GAPVD1: variants seen among roughly 807,000 people sequenced by gnomAD.
GAPVD1 encodes GTPase-activating protein and VPS9 domain-containing protein 1.
GAPVD1 carries 35 observed loss-of-function variants against 155.5 expected under a neutral mutation model. The ratio of observed to expected loss-of-function variants is 0.23; its 90% CI spans 0.17 to 0.30. The LOEUF is 0.30. Ranked by LOEUF, GAPVD1 falls within the 10% of genes least tolerant of loss-of-function variation. The pLI is 1.00. For missense variants in GAPVD1, 1,429 were observed against 1,775.7 expected (o/e 0.80, Z 3.51); for synonymous variants, 636 against 619.7 (o/e 1.03, Z -0.39).
chr9:125,341,413 C>T (rs1486532188), intron 18 of GAPVD1, 149 bp downstream of exon 18: 1 of 572,280 alleles, frequency 1.7e-6, no homozygotes, highest in Non-Finnish European at 3.1e-6. Flanking sequence ...TGGTTCCACT[C>T]AGATGAATGC....
chr9:125,279,320 C>T (rs1052024178), intron 2 of GAPVD1, among the ~76,000 whole-genome samples: 8 of 151,616 alleles, frequency 5.3e-5, no homozygotes, highest in Non-Finnish European at 1.0e-4. Context: ...CCTGTAATCG[C>T]AGCACCTTGG....
In GAPVD1 at chr9:125,331,907, C is replaced by G. The variant is rs568165240; in HGVS notation, c.2174-19C>G. The G allele has an allele frequency of 2.5e-6, 4 of 1,612,764 alleles. No homozygotes were observed. The highest frequency in any genetic ancestry group is 1.1e-5 in the South Asian group (1 of 91,028). ...CTAAGAGAATCACAAATGTAACATACCTCTTATCTTCTATTTAGAGGCCCC... is the reference window on the plus strand; with the variant it reads ...CTAAGAGAATCACAAATGTAACATAGCTCTTATCTTCTATTTAGAGGCCCC... On this transcript the variant is annotated intron_variant, in intron 13 of 27. Transcript: ENST00000297933.
intron 13 of GAPVD1, 68 bp from the exon 14 acceptor site, chr9:125,331,858 C>G (rs912652364): frequency 2.9e-5 from 43 of 1,483,132 alleles, no homozygotes; most frequent in Non-Finnish European, 3.7e-5. Flanking sequence ...TTATCTGGGT[C>G]ACAAAAGCTG....
At chr9:125,305,266 G>T in intron 6 of GAPVD1, 117 bp downstream of exon 6, 1 of 636,978 alleles carries the variant, frequency 1.6e-6, no homozygotes. Flanking sequence ...ATTAGCTACA[G>T]TATTGGATCA....
At chr9:125,318,532 C>T (rs1431044464) in intron 9 of GAPVD1, among the ~76,000 whole-genome samples, 4 of 152,144 alleles carry the variant, frequency 2.6e-5, no homozygotes, top group Non-Finnish European at 2.9e-5. Flanking sequence ...TGTTAATTCA[C>T]GTGAATCTCC....
chr9:125,351,333 C>T (rs188810002), intron 23 of GAPVD1, among the ~76,000 whole-genome samples: 137 of 152,316 alleles, frequency 9.0e-4, no homozygotes, highest in South Asian at 1.7e-3. Flanking sequence ...GGTGGGGACA[C>T]AGCCAAACCA....
intron 23 of GAPVD1, among the ~76,000 whole-genome samples, chr9:125,352,714 T>C (rs1342729851): frequency 5.3e-5 from 8 of 152,362 alleles, no homozygotes; most frequent in Admixed American, 5.2e-4. Context: ...TGCAAATTTC[T>C]ATAGCCAGCG....
At chr9:125,299,971 A>G (rs1367221316) in intron 4 of GAPVD1, among the ~76,000 whole-genome samples, 1 of 133,404 alleles carries the variant, frequency 7.5e-6, no homozygotes, top group East Asian at 2.4e-4. Flanking sequence ...GTGAGCCAAA[A>G]TCGCACCACT....
intron 2 of GAPVD1, among the ~76,000 whole-genome samples, chr9:125,283,028 T>TTATA (rs1554753036): frequency 7.0e-6 from 1 of 143,324 alleles, no homozygotes; most frequent in African/African-American, 2.6e-5. Context: ...TTATTTTTAT[T>TTATA]TTTATTTATT....
rs1839712373 is a variant in GAPVD1, at chr9:125,295,556, C to G, written c.-51C>G. The G allele has an allele frequency of 6.6e-6, 1 of 151,710 alleles. No individual in the cohort carries two copies. The highest frequency in any genetic ancestry group is 1.5e-5 in the Non-Finnish European group (1 of 67,976). 9.4% of individuals were successfully genotyped at this position (151,710 alleles called of 1,614,324 possible). On this transcript the variant is annotated 5_prime_UTR_variant, in exon 3 of 28. Transcript: ENST00000297933. ...CAAGCGATCCTCCCATCTGACCCTCCCAAGTAGCTGGCATTCAGGTATGCG... is the reference window on the plus strand; with the variant it reads ...CAAGCGATCCTCCCATCTGACCCTCGCAAGTAGCTGGCATTCAGGTATGCG...
At chr9:125,295,835 CTCTT>C (rs1185980238) in intron 3 of GAPVD1, among the ~76,000 whole-genome samples, 2 of 152,116 alleles carry the variant, frequency 1.3e-5, no homozygotes, top group African/African-American at 4.8e-5. Context: ...ATTTTATGTT[CTCTT>C]TCTATCTTGA....
chr9:125,280,013 T>G (rs577917725), intron 2 of GAPVD1, among the ~76,000 whole-genome samples: 31 of 151,184 alleles, frequency 2.1e-4, no homozygotes, highest in Non-Finnish European at 3.7e-4. Flanking sequence ...CCACTCAACC[T>G]CGGCCTCCCA....
intron 8 of GAPVD1, chr9:125,309,323 TTTTG>T (rs1004503342): frequency 6.6e-5 from 10 of 152,048 alleles, no homozygotes; most frequent in African/African-American, 1.9e-4. Flanking sequence ...TGGTGTTTTT[TTTTG>T]TTTGTTTGTT....
chr9:125,292,323 G>T (rs1309506232), intron 2 of GAPVD1, among the ~76,000 whole-genome samples: 1 of 152,040 alleles, frequency 6.6e-6, no homozygotes, highest in Non-Finnish European at 1.5e-5. Context: ...GGATGACCTG[G>T]AAGTTCTGAC....
At chr9:125,294,995 G>A (rs1482181863) in intron 2 of GAPVD1, among the ~76,000 whole-genome samples, 2 of 151,514 alleles carry the variant, frequency 1.3e-5, no homozygotes, top group African/African-American at 4.9e-5. Context: ...TGCTTCTTTC[G>A]AGTCAGACAG....
chr9:125,353,190 G>T (rs1044004613), intron 23 of GAPVD1, among the ~76,000 whole-genome samples: 2 of 152,036 alleles, frequency 1.3e-5, no homozygotes, highest in Non-Finnish European at 2.9e-5. Flanking sequence ...TCTTCTGCCA[G>T]ATACTCTAAA....
intron 17 of GAPVD1, among the ~76,000 whole-genome samples, chr9:125,340,625 A>G (rs1030028033): frequency 1.3e-5 from 2 of 152,142 alleles, no homozygotes; most frequent in Non-Finnish European, 2.9e-5. Context: ...TACCATCTCT[A>G]CTGCCCTTCT....
chr9:125,351,318 A>T (rs1333998956), intron 23 of GAPVD1, among the ~76,000 whole-genome samples: 1 of 152,168 alleles, frequency 6.6e-6, no homozygotes, highest in African/African-American at 2.4e-5. Context: ...TCAAGATGAG[A>T]TTCGGGTGGG....
rs1851138066 is a variant in GAPVD1, at chr9:125,362,892, G to T, written c.*146G>T. 1.8e-6 allele frequency: 1 copy of T among 553,218 alleles called. No homozygotes were observed. The highest frequency in any genetic ancestry group is 3.0e-6 in the Non-Finnish European group (1 of 336,708). 34.3% of individuals were successfully genotyped at this position (553,218 alleles called of 1,614,324 possible). ...TTTTAAAGCAGATCTTTACTAAACA[G>T]GTTAATGAGCTAACAAGCAGGTTCT... is the stretch of plus-strand genomic sequence containing the variant. On this transcript the variant is annotated 3_prime_UTR_variant, in exon 28 of 28. Transcript: ENST00000297933.
Sources: gnomAD v4.1 joint callset for allele counts (sites outside exome capture counted in the v4.1 genomes callset) on GRCh38, gnomAD v4.1.1 for gene constraint, MANE v1.5 for transcripts, NCBI Gene and HGNC (gene_info 2026-07-23, HGNC 2026-07-21) for gene names.